PIK3CB: variants seen among roughly 807,000 people sequenced by gnomAD.
The protein encoded by PIK3CB is phosphatidylinositol-4,5-bisphosphate 3-kinase catalytic subunit beta.
A neutral mutation model predicts 136.8 loss-of-function variants in PIK3CB; 39 were observed. The observed-to-expected ratio is 0.29, with a 90% CI of 0.22 to 0.37. PIK3CB has a LOEUF of 0.37. Ranked by LOEUF, PIK3CB falls within the 10% of genes least tolerant of loss-of-function variation. PIK3CB has a pLI of 1.00. For missense variants in PIK3CB, 868 were observed against 1,275.4 expected (o/e 0.68, Z 4.87); for synonymous variants, 428 against 436.6 (o/e 0.98, Z 0.25).
At chr3:138,810,705 T>A (rs957796561) in intron 1 of PIK3CB, among the ~76,000 whole-genome samples, 63 of 150,494 alleles carry the variant, frequency 4.2e-4, no homozygotes, top group African/African-American at 1.5e-3. Flanking sequence ...GATCACGAGG[T>A]CAGGAGATTG....
At chr3:138,744,392 C>CAAAAAAAG (rs2045307799) in intron 4 of PIK3CB, among the ~76,000 whole-genome samples, 1 of 45,108 alleles carries the variant, frequency 2.2e-5, no homozygotes, top group Admixed American at 3.4e-4. Flanking sequence ...GAGACTCCCC[C>CAAAAAAAG]AAAAAAAAAA....
intron 19 of PIK3CB, among the ~76,000 whole-genome samples, chr3:138,673,907 C>T (rs2043591945): frequency 6.6e-6 from 1 of 152,180 alleles, no homozygotes; most frequent in South Asian, 2.1e-4. Flanking sequence ...ATTCTTTGGC[C>T]TCTCTGGTAG....
chr3:138,706,529 A>T (rs1330206005), intron 11 of PIK3CB, among the ~76,000 whole-genome samples: 2 of 152,340 alleles, frequency 1.3e-5, no homozygotes, highest in Middle Eastern at 3.4e-3. Flanking sequence ...TATTTGAAAC[A>T]ACATTTTATG....
At position 138,654,605 on chromosome 3, in the gene PIK3CB, TG is replaced by T. The variant is rs2043162030; in HGVS notation, c.*783del. 1 of 227,292 alleles carries T rather than the reference TG, an allele frequency of 4.4e-6. No homozygotes were observed. The highest frequency in any genetic ancestry group is 2.2e-5 in the African/African-American group (1 of 45,052). 14.1% of individuals were successfully genotyped at this position (227,292 alleles called of 1,614,324 possible). On this transcript the variant is annotated 3_prime_UTR_variant, in exon 24 of 24. Transcript: ENST00000674063. Reference sequence around the variant, plus strand: ...ATATGTGCCTCATTATAGAAGCAGCTGGAAGAACTGGATCACACAGTTACCT... The same window carrying T: ...ATATGTGCCTCATTATAGAAGCAGCTGAAGAACTGGATCACACAGTTACCT...
intron 1 of PIK3CB, among the ~76,000 whole-genome samples, chr3:138,833,284 GTCGAACTCCTGGAA>G (rs1186086269): frequency 6.6e-6 from 1 of 151,770 alleles, no homozygotes; most frequent in Non-Finnish European, 1.5e-5. Flanking sequence ...TTGGGCTGGT[GTCGAACTCCTGGAA>G]TCAATTGATC....
rs575353970 is a variant in PIK3CB at position 138,726,391 on chromosome 3, G to C, written c.1050+6970C>G. Among the ~76,000 whole-genome samples the C allele has an allele frequency of 5.9e-5, 9 of 152,278 alleles. No homozygotes were observed. The East Asian group carries it at 1.5e-3, about 26-fold the overall frequency. On this transcript the variant is annotated intron_variant, in intron 8 of 23. Transcript: ENST00000674063. The stretch of plus-strand genomic sequence containing the variant: ...CCTGCAACTATGCTAAACACTAGGG[G>C]GGTGAGGGAAGGGGAGACTTACTCC...
intron 15 of PIK3CB, among the ~76,000 whole-genome samples, chr3:138,690,210 T>C (rs1273384097): frequency 6.6e-6 from 1 of 151,374 alleles, no homozygotes; most frequent in African/African-American, 2.4e-5. Context: ...CTTATTGCCT[T>C]TGAGAAGCTC....
At chr3:138,731,864 TC>T (rs1352391148) in intron 8 of PIK3CB, among the ~76,000 whole-genome samples, 3 of 151,722 alleles carry the variant, frequency 2.0e-5, no homozygotes, top group Admixed American at 1.3e-4. Flanking sequence ...GTGCCTGTAG[TC>T]CCAGTTACTG....
chr3:138,744,343 C>T (rs1468950401), intron 4 of PIK3CB, among the ~76,000 whole-genome samples: 5 of 126,862 alleles, frequency 3.9e-5, no homozygotes, highest in Non-Finnish European at 6.3e-5. Context: ...GGCAGTCAGC[C>T]GAGATTGTGT....
At chr3:138,790,526 C>T (rs553103521) in intron 2 of PIK3CB, among the ~76,000 whole-genome samples, 42 of 150,080 alleles carry the variant, frequency 2.8e-4, no homozygotes, top group Non-Finnish European at 4.6e-4. Flanking sequence ...ACCCTGAGAC[C>T]GGGCACGGTG....
chr3:138,747,350 G>A (rs1020685084), intron 4 of PIK3CB, among the ~76,000 whole-genome samples: 1 of 151,592 alleles, frequency 6.6e-6, no homozygotes, highest in African/African-American at 2.4e-5. Context: ...ATGAGAACTC[G>A]GAGAGATCCC....
intron 11 of PIK3CB, among the ~76,000 whole-genome samples, chr3:138,705,179 AACAAAAC>A (rs2044346139): frequency 1.2e-5 from 1 of 85,716 alleles, no homozygotes; most frequent in Non-Finnish European, 2.2e-5. Flanking sequence ...AAAAACAAAA[AACAAAAC>A]AAACAAAAAA....
intron 13 of PIK3CB, among the ~76,000 whole-genome samples, chr3:138,695,540 A>G (rs2044118248): frequency 6.6e-6 from 1 of 152,120 alleles, no homozygotes; most frequent in South Asian, 2.1e-4. Context: ...CCTCCCCCAA[A>G]AGTCAACAAT....
chr3:138,708,091 C>T (rs1336254584), intron 10 of PIK3CB, among the ~76,000 whole-genome samples: 1 of 151,850 alleles, frequency 6.6e-6, no homozygotes, highest in Non-Finnish European at 1.5e-5. Flanking sequence ...CTTTCTGTAT[C>T]TCCTAAGGAA....
intron 2 of PIK3CB, among the ~76,000 whole-genome samples, chr3:138,760,846 G>T (rs866795034): frequency 6.6e-6 from 1 of 152,128 alleles, no homozygotes; most frequent in African/African-American, 2.4e-5. Flanking sequence ...ATCTAAGGCT[G>T]CATTGAGCTA....
At chr3:138,733,674 C>A (rs1049183987) in intron 7 of PIK3CB, among the ~76,000 whole-genome samples, 1 of 151,968 alleles carries the variant, frequency 6.6e-6, no homozygotes, top group African/African-American at 2.4e-5. Flanking sequence ...GTCAGGAGAT[C>A]GAGACCATCC....
intron 2 of PIK3CB, among the ~76,000 whole-genome samples, chr3:138,792,842 A>G (rs2046067936): frequency 6.6e-6 from 1 of 152,116 alleles, no homozygotes; most frequent in Admixed American, 6.6e-5. Flanking sequence ...CAGTGGTCCA[A>G]TTACAGCTCA....
intron 13 of PIK3CB, among the ~76,000 whole-genome samples, chr3:138,695,368 T>C (rs1435548814): frequency 3.3e-5 from 5 of 152,196 alleles, no homozygotes; most frequent in Admixed American, 2.0e-4. Flanking sequence ...TTTCAATTGA[T>C]TGCTCAAAGT....
chr3:138,741,216 C>T (rs1293687457), intron 5 of PIK3CB, among the ~76,000 whole-genome samples: 1 of 152,122 alleles, frequency 6.6e-6, no homozygotes, highest in Non-Finnish European at 1.5e-5. Flanking sequence ...AACATGTTGT[C>T]TAAAAGGAGG....
Sources: gnomAD v4.1 joint callset for allele counts (sites outside exome capture counted in the v4.1 genomes callset) on GRCh38, gnomAD v4.1.1 for gene constraint, MANE v1.5 for transcripts, NCBI Gene and HGNC (gene_info 2026-07-23, HGNC 2026-07-21) for gene names.